TENM2: variants seen among roughly 807,000 people sequenced by gnomAD.
TENM2 encodes the protein teneurin transmembrane protein 2.
TENM2 carries 52 observed loss-of-function variants against 245.2 expected under a neutral mutation model. That is an observed-to-expected ratio of 0.21 (90% CI 0.17 to 0.27). TENM2 has a LOEUF of 0.27. TENM2 is among the 10% of genes least tolerant of loss of function. TENM2 has a pLI of 1.00. For synonymous variants in TENM2, 1,363 were observed against 1,438.9 expected (o/e 0.95, Z 1.19); for missense variants, 3,046 against 3,666.8 (o/e 0.83, Z 4.37).
Position 168,199,726 on chromosome 5 carries a change from A to G in TENM2, c.3163-138A>G, listed in dbSNP as rs1005534192. On this transcript the variant is annotated intron_variant, in intron 16 of 28. Coordinates refer to ENST00000518659, the Ensembl canonical transcript of TENM2. The stretch of plus-strand genomic sequence containing the variant: ...TTTGTTGTTGTTGTTTTTCTTTCTC[A>G]GTGGTGGTAAGTGGTTCTTGCACCC... The G allele has an allele frequency of 6.2e-6, 5 of 810,164 alleles. No homozygotes were observed. The African/African-American group carries it at 6.8e-5, about 11-fold the overall frequency. 50.2% of individuals were successfully genotyped at this position (810,164 alleles called of 1,614,324 possible).
chr5:166,991,780 T>C, the TENM2 span, among the ~76,000 whole-genome samples: 4 of 152,206 alleles, frequency 2.6e-5, no homozygotes, highest in African/African-American at 9.6e-5. Flanking sequence ...CAGGCTCACA[T>C]ACTGGCATGT....
chr5:167,856,869 G>A (rs1055825651), intron 2 of TENM2, among the ~76,000 whole-genome samples: 1 of 152,184 alleles, frequency 6.6e-6, no homozygotes, highest in African/African-American at 2.4e-5. Context: ...TTGTTACTTT[G>A]CAAGGGTGCT....
At chr5:167,971,108 G>A (rs770454413) in intron 4 of TENM2, among the ~76,000 whole-genome samples, 4 of 152,098 alleles carry the variant, frequency 2.6e-5, no homozygotes, top group South Asian at 2.1e-4. Flanking sequence ...GGAAAAGAGC[G>A]AAGTATAGCA....
intron 2 of TENM2, among the ~76,000 whole-genome samples, chr5:167,668,909 C>T (rs897189471): frequency 9.9e-5 from 15 of 151,994 alleles, no homozygotes; most frequent in Non-Finnish European, 2.1e-4. Context: ...AGCCGAGATC[C>T]CCCACTGAAC....
chr5:167,443,027 G>A (rs1253267814), intron 2 of TENM2, among the ~76,000 whole-genome samples: 9 of 152,164 alleles, frequency 5.9e-5, no homozygotes, highest in Admixed American at 2.0e-4. Context: ...GTTGCAGTGT[G>A]TACAGAAGTT....
intron 27 of TENM2, among the ~76,000 whole-genome samples, chr5:168,248,740 G>A (rs796580925): frequency 9.8e-5 from 15 of 152,332 alleles, no homozygotes; most frequent in African/African-American, 3.6e-4. Context: ...CCTTGGACTA[G>A]TTGTTCAATC....
chr5:168,208,071 T>C (rs1344103878), intron 19 of TENM2, among the ~76,000 whole-genome samples: 1 of 152,112 alleles, frequency 6.6e-6, no homozygotes, highest in African/African-American at 2.4e-5. Flanking sequence ...CAGAGTAAAT[T>C]TGTCAGTCAC....
intron 4 of TENM2, among the ~76,000 whole-genome samples, chr5:167,986,469 A>G (rs904992899): frequency 7.9e-5 from 12 of 152,132 alleles, no homozygotes; most frequent in Non-Finnish European, 1.0e-4. Flanking sequence ...GCATGACATG[A>G]CTGGGAAGGG....
chr5:168,020,355 C>A (rs1333591099), intron 5 of TENM2, among the ~76,000 whole-genome samples: 1 of 152,184 alleles, frequency 6.6e-6, no homozygotes, highest in Non-Finnish European at 1.5e-5. Flanking sequence ...ATAGACAGTA[C>A]CCACATTCCT....
At chr5:167,357,140 C>G (rs1759390284) in intron 1 of TENM2, among the ~76,000 whole-genome samples, 3 of 151,986 alleles carry the variant, frequency 2.0e-5, no homozygotes, top group African/African-American at 4.8e-5. Flanking sequence ...GATGAATATC[C>G]TTATCTGAAA....
At chr5:168,027,130 A>G (rs1290270375) in intron 5 of TENM2, among the ~76,000 whole-genome samples, 1 of 152,144 alleles carries the variant, frequency 6.6e-6, no homozygotes, top group Non-Finnish European at 1.5e-5. Flanking sequence ...TGCATGTGAA[A>G]TGACACAGAA....
At chr5:167,042,215 C>G in the TENM2 span, among the ~76,000 whole-genome samples, 4 of 152,124 alleles carry the variant, frequency 2.6e-5, no homozygotes, top group Admixed American at 1.3e-4. Flanking sequence ...TAGTAGTGTT[C>G]CTTTCGATGT....
At chr5:167,893,141 G>A (rs1339245417) in intron 3 of TENM2, among the ~76,000 whole-genome samples, 2 of 152,110 alleles carry the variant, frequency 1.3e-5, no homozygotes, top group African/African-American at 4.8e-5. Context: ...ACTGGGTTTG[G>A]GCTGCTCAGA....
chr5:167,336,822 A>T (rs889120056), intron 1 of TENM2, among the ~76,000 whole-genome samples: 3 of 95,830 alleles, frequency 3.1e-5, no homozygotes, highest in South Asian at 3.8e-4. Flanking sequence ...CAAATATTTA[A>T]AAAAAAAAAA....
chr5:167,889,338 C>T (rs979960884), intron 3 of TENM2, among the ~76,000 whole-genome samples: 1 of 152,150 alleles, frequency 6.6e-6, no homozygotes, highest in Non-Finnish European at 1.5e-5. Context: ...ACAGGACTAT[C>T]TTCCTGCATG....
the TENM2 span, among the ~76,000 whole-genome samples, chr5:167,078,962 C>T: frequency 2.6e-5 from 4 of 151,966 alleles, no homozygotes; most frequent in South Asian, 4.2e-4. Flanking sequence ...ATATGAAAAA[C>T]GTGGGACTCC....
At chr5:167,107,110 A>T in the TENM2 span, among the ~76,000 whole-genome samples, 2 of 148,964 alleles carry the variant, frequency 1.3e-5, no homozygotes, top group Non-Finnish European at 3.0e-5. Context: ...AAAAAAAAAA[A>T]ATTAGCCAGG....
At chr5:168,214,581 C>G (rs997908675) in intron 20 of TENM2, among the ~76,000 whole-genome samples, 1 of 152,140 alleles carries the variant, frequency 6.6e-6, no homozygotes, top group Non-Finnish European at 1.5e-5. Context: ...CTCCAGGTCA[C>G]CCTGGTATTA....
chr5:167,090,206 A>C, the TENM2 span, among the ~76,000 whole-genome samples: 2 of 151,888 alleles, frequency 1.3e-5, no homozygotes, highest in South Asian at 2.1e-4. Context: ...GTTTGTTTTT[A>C]AAACAAATAG....
Sources: gnomAD v4.1 joint callset for allele counts (sites outside exome capture counted in the v4.1 genomes callset) on GRCh38, gnomAD v4.1.1 for gene constraint, MANE v1.5 for transcripts, NCBI Gene and HGNC (gene_info 2026-07-23, HGNC 2026-07-21) for gene names.